The following VPS41 variants were observed in gnomAD, a reference collection of about 807,000 sequenced individuals.
The protein encoded by VPS41 is VPS41 subunit of HOPS complex.
VPS41 carries 85 observed loss-of-function variants against 130.9 expected under a neutral mutation model. The observed-to-expected ratio is 0.65, with a 90% CI of 0.55 to 0.78. The LOEUF is 0.78. VPS41 is among the 30% of genes least tolerant of loss of function. The pLI, the probability that VPS41 is intolerant of heterozygous loss-of-function variation, is 0.00. For synonymous variants in VPS41, 335 were observed against 332.9 expected, an observed-to-expected ratio of 1.01 and a Z score of -0.07; for missense variants, 874 against 1,018.7, an observed-to-expected ratio of 0.86 and a Z score of 1.93.
intron 7 of VPS41, among the ~76,000 whole-genome samples, chr7:38,800,049 A>G (rs1784695541): frequency 6.6e-6 from 1 of 152,168 alleles, no homozygotes; most frequent in African/African-American, 2.4e-5. Flanking sequence ...AAATGACACC[A>G]GGAAGTTGCT....
intron 7 of VPS41, among the ~76,000 whole-genome samples, chr7:38,816,032 A>C (rs1785041542): frequency 6.6e-6 from 1 of 152,160 alleles, no homozygotes; most frequent in Non-Finnish European, 1.5e-5. Context: ...CTTAACCCAA[A>C]AAGTGTTTAG....
At position 38,726,906 on chromosome 7, in the gene VPS41, C is replaced by T. The variant is rs1795555529; in HGVS notation, c.2484+3G>A. On this transcript the variant is annotated splice_donor_region_variant and intron_variant, in intron 28 of 28. Transcript: ENST00000310301. Reference sequence around the variant, plus strand: ...GTTGATAGGTGCCAAGCTGCCAACTCACCATGCTGGGCATGGGCAGGCACT... The same window carrying T: ...GTTGATAGGTGCCAAGCTGCCAACTTACCATGCTGGGCATGGGCAGGCACT... 6.4e-7 allele frequency: 1 copy of T among 1,550,948 alleles called. No homozygotes were observed. Among genetic ancestry groups the T allele is most frequent in the African/African-American group, 1.4e-5 (1 of 72,006 alleles).
At chr7:38,885,711 T>C (rs911417426) in intron 2 of VPS41, among the ~76,000 whole-genome samples, 1 of 152,196 alleles carries the variant, frequency 6.6e-6, no homozygotes, top group Non-Finnish European at 1.5e-5. Flanking sequence ...TTGTCTTGCA[T>C]TAAAATGTTT....
At chr7:38,737,530 C>A (rs549137335) in intron 25 of VPS41, among the ~76,000 whole-genome samples, 1 of 152,256 alleles carries the variant, frequency 6.6e-6, no homozygotes, top group East Asian at 1.9e-4. Flanking sequence ...AGAGCAGCAC[C>A]AAGTGCACAG....
chr7:38,805,320 G>A (rs1173911962), intron 7 of VPS41, among the ~76,000 whole-genome samples: 1 of 152,066 alleles, frequency 6.6e-6, no homozygotes, highest in African/African-American at 2.4e-5. Flanking sequence ...GGATCACAAG[G>A]TCAAGAAATG....
At chr7:38,903,271 A>G (rs945174440) in intron 1 of VPS41, among the ~76,000 whole-genome samples, 3 of 152,154 alleles carry the variant, frequency 2.0e-5, no homozygotes, top group Non-Finnish European at 4.4e-5. Flanking sequence ...ATAGAACCCT[A>G]TGACAATGGC....
chr7:38,743,617 CTT>C, intron 23 of VPS41, 75 bp from the exon 24 acceptor site: 2 of 1,534,448 alleles, frequency 1.3e-6, no homozygotes, highest in South Asian at 2.4e-5. Flanking sequence ...TTGCATATCT[CTT>C]AATTTGTTTA....
Position 38,817,142 on chromosome 7 carries a change from C to T in VPS41, c.450+675G>A, listed in dbSNP as rs114876068. 5.5e-3 allele frequency among the ~76,000 whole-genome samples: 834 copies of T among 151,574 alleles called. 7 individuals are homozygous for T. Among genetic ancestry groups the T allele is most frequent in the African/African-American group, 0.018 (754 of 41,240 alleles). On this transcript the variant is annotated intron_variant, in intron 7 of 28. Coordinates refer to ENST00000310301, the MANE Select transcript of VPS41 (RefSeq NM_014396.4). ...ACTGCTCTAAAAGTTTATCAAGGCCCGCAAGAGATTTTCTACAAGGAAAAA... is the reference window on the plus strand; with the variant it reads ...ACTGCTCTAAAAGTTTATCAAGGCCTGCAAGAGATTTTCTACAAGGAAAAA...
intron 24 of VPS41, 86 bp downstream of exon 24, chr7:38,743,316 G>T: frequency 6.7e-7 from 1 of 1,489,208 alleles, no homozygotes; most frequent in South Asian, 1.2e-5. Context: ...TTAACCCAAT[G>T]TATCTTGAAA....
rs13244313 is a variant in VPS41, at chr7:38,724,750, C to T, written c.*1496G>A. The T allele has an allele frequency of 0.69, 105,581 of 152,292 alleles. 37,347 individuals carry two copies. The highest frequency in any genetic ancestry group is 0.78 in the African/African-American group (32,452 of 41,414). 9.4% of individuals were successfully genotyped at this position (152,292 alleles called of 1,614,324 possible). On this transcript the variant is annotated 3_prime_UTR_variant, in exon 29 of 29. Coordinates refer to ENST00000310301, the MANE Select transcript of VPS41 (RefSeq NM_014396.4). ...CTGGGATTACAGGCATGTACCACCA[C>T]GCCTGGCTAATTTGTGTTTTTAGTA...
chr7:38,859,802 A>T (rs950413716), intron 4 of VPS41, among the ~76,000 whole-genome samples: 1 of 152,212 alleles, frequency 6.6e-6, no homozygotes, highest in African/African-American at 2.4e-5. Context: ...TATCGTGGGA[A>T]TTTAAAAGGA....
At chr7:38,889,104 AT>A (rs879474182) in intron 2 of VPS41, among the ~76,000 whole-genome samples, 643 of 37,786 alleles carry the variant, frequency 0.017, 1 homozygote, top group Middle Eastern at 0.038. Context: ...TTAAAGTATA[AT>A]TTAAAAAAAA....
intron 4 of VPS41, among the ~76,000 whole-genome samples, chr7:38,849,770 G>T (rs1226329030): frequency 6.6e-6 from 1 of 152,092 alleles, no homozygotes; most frequent in East Asian, 1.9e-4. Flanking sequence ...CACAGGATGG[G>T]GTGTGGCAGG....
intron 9 of VPS41, among the ~76,000 whole-genome samples, chr7:38,791,886 G>A (rs1231778886): frequency 6.6e-6 from 1 of 152,156 alleles, no homozygotes; most frequent in Non-Finnish European, 1.5e-5. Context: ...TTGACAGGAA[G>A]ATGAAGTGCA....
At chr7:38,833,168 C>T (rs1262461113) in intron 4 of VPS41, among the ~76,000 whole-genome samples, 2 of 152,166 alleles carry the variant, frequency 1.3e-5, no homozygotes, top group African/African-American at 4.8e-5. Flanking sequence ...ACTCGGACCA[C>T]ATTTCACCAC....
chr7:38,862,334 T>C (rs1584433472), intron 4 of VPS41, among the ~76,000 whole-genome samples: 1 of 152,340 alleles, frequency 6.6e-6, no homozygotes, highest in East Asian at 1.9e-4. Flanking sequence ...AGTCAAAATA[T>C]ATAATGCATG....
At chr7:38,765,799 C>A (rs994707648) in intron 15 of VPS41, 138 bp from the exon 16 acceptor site, 4 of 569,248 alleles carry the variant, frequency 7.0e-6, no homozygotes, top group African/African-American at 5.8e-5. Context: ...ATTTCTATCT[C>A]AAGTACCAAC....
chr7:38,892,227 G>A (rs1367112327), intron 2 of VPS41, among the ~76,000 whole-genome samples: 1 of 151,874 alleles, frequency 6.6e-6, no homozygotes. Context: ...TAAAAACAGA[G>A]AGTCAAAAGG....
At chr7:38,785,415 C>T (rs1344246247) in intron 10 of VPS41, among the ~76,000 whole-genome samples, 1 of 152,318 alleles carries the variant, frequency 6.6e-6, no homozygotes, top group East Asian at 1.9e-4. Context: ...ACAGTACACA[C>T]AGATAAAAAA....
Sources: allele counts gnomAD v4.1 joint callset (sites outside exome capture counted in the v4.1 genomes callset), GRCh38; gene constraint gnomAD v4.1.1; transcripts MANE v1.5; gene names NCBI Gene and HGNC (gene_info 2026-07-23, HGNC 2026-07-21).